SUGCT: variants seen among roughly 807,000 people sequenced by gnomAD.
SUGCT encodes the protein succinyl-CoA:glutarate CoA-transferase.
Under a neutral mutation model 55.0 loss-of-function variants are expected in SUGCT, and 41 were observed. The ratio of observed to expected loss-of-function variants is 0.74; its 90% CI spans 0.58 to 0.97. SUGCT has a LOEUF of 0.97. Ranked by LOEUF, SUGCT falls within the 50% of genes least tolerant of loss-of-function variation. The pLI is 0.00. For missense variants in SUGCT, 568 were observed against 547.8 expected (o/e 1.04, Z -0.37); for synonymous variants, 187 against 200.4 (o/e 0.93, Z 0.56).
chr7:40,854,056 C>G (rs1793991566), intron 13 of SUGCT, among the ~76,000 whole-genome samples: 1 of 152,190 alleles, frequency 6.6e-6, no homozygotes, highest in South Asian at 2.1e-4. Context: ...GCATCAAGGT[C>G]AAATGAATTT....
chr7:40,995,664 C>T, the SUGCT span, among the ~76,000 whole-genome samples: 426 of 151,330 alleles, frequency 2.8e-3, 2 homozygotes, highest in African/African-American at 0.01. Context: ...ATTTTCGTAT[C>T]ATCATCATCA....
intron 12 of SUGCT, chr7:40,538,801 GGC>G (rs1369227900): frequency 1.3e-5 from 2 of 152,266 alleles, no homozygotes; most frequent in Non-Finnish European, 2.9e-5. Context: ...CTGAAGGCTG[GGC>G]GCGGGGGCTC....
chr7:40,160,103 G>A (rs938914288), intron 1 of SUGCT, among the ~76,000 whole-genome samples: 4 of 152,146 alleles, frequency 2.6e-5, no homozygotes, highest in African/African-American at 2.4e-5. Context: ...TCATTTTGCT[G>A]TAGTAAACCT....
At chr7:40,969,343 T>C in the SUGCT span, among the ~76,000 whole-genome samples, 1 of 152,310 alleles carries the variant, frequency 6.6e-6, no homozygotes, top group African/African-American at 2.4e-5. Context: ...CTATTCCAAC[T>C]GATACATTTT....
At chr7:40,516,325 A>C (rs1793231355) in intron 12 of SUGCT, among the ~76,000 whole-genome samples, 1 of 152,152 alleles carries the variant, frequency 6.6e-6, no homozygotes. Flanking sequence ...TTTGACACAC[A>C]AAAGTTTTTA....
the SUGCT span, among the ~76,000 whole-genome samples, chr7:40,929,647 T>A: frequency 1.3e-5 from 2 of 152,348 alleles, no homozygotes; most frequent in Admixed American, 1.3e-4. Flanking sequence ...ACTGTGGTTC[T>A]GATTTGCATT....
chr7:40,686,319 A>C (rs1460007297), intron 12 of SUGCT, among the ~76,000 whole-genome samples: 1 of 152,194 alleles, frequency 6.6e-6, no homozygotes, highest in Non-Finnish European at 1.5e-5. Flanking sequence ...TATGTACTTT[A>C]CTTTCCTTAC....
chr7:40,223,002 C>T (rs1363466429), intron 6 of SUGCT, among the ~76,000 whole-genome samples: 7 of 146,844 alleles, frequency 4.8e-5, no homozygotes, highest in Non-Finnish European at 1.0e-4. Flanking sequence ...TCCTTCCTTC[C>T]TTCCTTCCTT....
At chr7:40,686,895 G>A (rs536559218) in intron 12 of SUGCT, among the ~76,000 whole-genome samples, 52 of 152,082 alleles carry the variant, frequency 3.4e-4, no homozygotes, top group African/African-American at 1.2e-3. Flanking sequence ...GCTGGGGGAG[G>A]GGCAATCACC....
At chr7:40,891,356 T>G in the SUGCT span, among the ~76,000 whole-genome samples, 745 of 152,264 alleles carry the variant, frequency 4.9e-3, 7 homozygotes, top group African/African-American at 0.017. Flanking sequence ...CTGAGACACA[T>G]TATAATTAAA....
At chr7:40,730,874 C>T (rs541217418) in intron 12 of SUGCT, among the ~76,000 whole-genome samples, 1 of 152,316 alleles carries the variant, frequency 6.6e-6, no homozygotes, top group East Asian at 1.9e-4. Context: ...ATCACCTTCT[C>T]TTTTAAGGCT....
chr7:40,464,773 AG>A (rs1297100808), intron 11 of SUGCT, among the ~76,000 whole-genome samples: 2 of 152,208 alleles, frequency 1.3e-5, no homozygotes, highest in Non-Finnish European at 2.9e-5. Context: ...TTTCCAGGGT[AG>A]CCATATATGC....
intron 13 of SUGCT, among the ~76,000 whole-genome samples, chr7:40,828,783 C>T (rs961290425): frequency 7.9e-5 from 12 of 152,084 alleles, no homozygotes; most frequent in African/African-American, 1.7e-4. Flanking sequence ...CCACCTCCAG[C>T]GGCGCCACAG....
Position 40,302,725 on chromosome 7 carries a change from G to A in SUGCT, c.721-14035G>A, listed in dbSNP as rs775820034. On this transcript the variant is annotated intron_variant, in intron 8 of 13. Transcript: ENST00000335693. ...CACTCAAGATAATCTCTTTTTTGACGAATTCATTATTAACTGATTACAGAC... is the reference window on the plus strand; with the variant it reads ...CACTCAAGATAATCTCTTTTTTGACAAATTCATTATTAACTGATTACAGAC... Among the ~76,000 whole-genome samples the A allele has an allele frequency of 3.3e-5, 5 of 152,006 alleles. No individual in the cohort carries two copies. The East Asian group carries it at 5.8e-4, about 18-fold the overall frequency.
At chr7:40,589,653 C>T (rs2151730219) in intron 12 of SUGCT, among the ~76,000 whole-genome samples, 1 of 152,158 alleles carries the variant, frequency 6.6e-6, no homozygotes, top group East Asian at 1.9e-4. Context: ...ACATTCAGGC[C>T]ATAACAGATA....
intron 13 of SUGCT, among the ~76,000 whole-genome samples, chr7:40,800,702 T>G (rs1408272682): frequency 6.6e-6 from 1 of 152,166 alleles, no homozygotes; most frequent in Non-Finnish European, 1.5e-5. Context: ...TTTCTTTGTT[T>G]TCTACCCAGG....
At chr7:40,516,126 C>A (rs1482430203) in intron 12 of SUGCT, among the ~76,000 whole-genome samples, 1 of 151,830 alleles carries the variant, frequency 6.6e-6, no homozygotes, top group Admixed American at 6.6e-5. Context: ...TGTTGAAAAT[C>A]TTTTAAGGTA....
intron 7 of SUGCT, among the ~76,000 whole-genome samples, chr7:40,254,337 A>G (rs1453405320): frequency 6.6e-6 from 1 of 151,182 alleles, no homozygotes; most frequent in Non-Finnish European, 1.5e-5. Flanking sequence ...AAAGTATTTC[A>G]TTGTGGAAGG....
At chr7:40,431,540 T>C (rs1787896731) in intron 9 of SUGCT, among the ~76,000 whole-genome samples, 1 of 152,226 alleles carries the variant, frequency 6.6e-6, no homozygotes, top group African/African-American at 2.4e-5. Context: ...GCATGTACAT[T>C]TTAAGAATAT....
Sources: gnomAD v4.1 joint callset for allele counts (sites outside exome capture counted in the v4.1 genomes callset) on GRCh38, gnomAD v4.1.1 for gene constraint, MANE v1.5 for transcripts, NCBI Gene and HGNC (gene_info 2026-07-23, HGNC 2026-07-21) for gene names.